The following SYN2 variants were observed in gnomAD, a reference collection of about 807,000 sequenced individuals.
SYN2 encodes synapsin-2.
In SYN2, 19 loss-of-function variants were observed where a neutral mutation model predicts 50.9. That is an observed-to-expected ratio of 0.37 (90% CI 0.26 to 0.55). SYN2 has a LOEUF of 0.55. Ranked by LOEUF, SYN2 falls within the 20% of genes least tolerant of loss-of-function variation. SYN2 has a pLI of 0.81. For synonymous variants in SYN2, 255 were observed against 224.9 expected (o/e 1.13, Z -1.20); for missense variants, 587 against 576.4 (o/e 1.02, Z -0.19).
intron 3 of SYN2, among the ~76,000 whole-genome samples, chr3:12,142,420 C>T (rs948427232): frequency 5.9e-5 from 9 of 152,156 alleles, no homozygotes; most frequent in African/African-American, 1.9e-4. Flanking sequence ...TGCTTAGATT[C>T]CCCTAGTGAG....
chr3:12,113,382 A>G (rs76697429), intron 1 of SYN2, among the ~76,000 whole-genome samples: 1 of 151,558 alleles, frequency 6.6e-6, no homozygotes, highest in Non-Finnish European at 1.5e-5. Flanking sequence ...AAAGGAGGGG[A>G]AAAAACTCTG....
At chr3:12,029,253 A>G in intron 1 of SYN2, among the ~76,000 whole-genome samples, 2 of 132,738 alleles carry the variant, frequency 1.5e-5, no homozygotes, top group African/African-American at 7.3e-5. Context: ...TTTTGGTACC[A>G]GTACCATGCT....
chr3:12,040,455 C>T (rs1290712240), intron 1 of SYN2, among the ~76,000 whole-genome samples: 4 of 112,732 alleles, frequency 3.5e-5, no homozygotes, highest in South Asian at 5.6e-4. Context: ...TTTTTTGAGA[C>T]GGAGTTTCGC....
chr3:12,055,833 C>G (rs937670706), intron 1 of SYN2, among the ~76,000 whole-genome samples: 1 of 152,078 alleles, frequency 6.6e-6, no homozygotes, highest in Admixed American at 6.5e-5. Flanking sequence ...AGAGTATTAC[C>G]GTTTTGCAAC....
chr3:12,018,993 G>T (rs1694075544), intron 1 of SYN2, among the ~76,000 whole-genome samples: 1 of 152,142 alleles, frequency 6.6e-6, no homozygotes, highest in African/African-American at 2.4e-5. Flanking sequence ...AACTGTGTAG[G>T]TAGTGAATTT....
At chr3:12,053,280 G>A (rs1282160762) in intron 1 of SYN2, among the ~76,000 whole-genome samples, 2 of 152,088 alleles carry the variant, frequency 1.3e-5, no homozygotes, top group African/African-American at 4.8e-5. Flanking sequence ...AATTAGCCAG[G>A]CATGGTGGTG....
intron 1 of SYN2, among the ~76,000 whole-genome samples, chr3:12,015,445 T>C (rs1052199607): frequency 6.6e-6 from 1 of 152,156 alleles, no homozygotes; most frequent in South Asian, 2.1e-4. Flanking sequence ...CAGTGACTTA[T>C]GAAAAAAATT....
intron 10 of SYN2, among the ~76,000 whole-genome samples, chr3:12,175,527 G>T (rs1055378394): frequency 1.3e-5 from 2 of 152,232 alleles, no homozygotes; most frequent in African/African-American, 4.8e-5. Context: ...TCTGGTCTGA[G>T]TCATAAGCCC....
chr3:12,020,105 A>G (rs1358715677), intron 1 of SYN2, among the ~76,000 whole-genome samples: 6 of 152,150 alleles, frequency 3.9e-5, no homozygotes, highest in South Asian at 4.1e-4. Flanking sequence ...TAATACTTCT[A>G]TGACTTAGAG....
chr3:12,009,995 T>C (rs190996133), intron 1 of SYN2, among the ~76,000 whole-genome samples: 1 of 152,124 alleles, frequency 6.6e-6, no homozygotes, highest in Admixed American at 6.5e-5. Flanking sequence ...TTCGGGAGAC[T>C]GAGGCAGGAG....
chr3:12,116,318 A>G (rs560121006), intron 1 of SYN2, among the ~76,000 whole-genome samples: 2 of 152,344 alleles, frequency 1.3e-5, no homozygotes, highest in Non-Finnish European at 2.9e-5. Context: ...GATCAGAGAA[A>G]GGTTGGAAGA....
chr3:12,043,903 A>C (rs1694675244), intron 1 of SYN2, among the ~76,000 whole-genome samples: 1 of 152,130 alleles, frequency 6.6e-6, no homozygotes, highest in South Asian at 2.1e-4. Context: ...GAACCTCCAT[A>C]GCAGTTTATC....
intron 1 of SYN2, among the ~76,000 whole-genome samples, chr3:12,058,784 G>A (rs1016399865): frequency 1.3e-5 from 2 of 152,170 alleles, no homozygotes; most frequent in Non-Finnish European, 2.9e-5. Flanking sequence ...GCTGAGAATG[G>A]CTTCTAAAAG....
At chr3:12,183,764 A>T in intron 11 of SYN2, 1 of 1,127,232 alleles carries the variant, frequency 8.9e-7, no homozygotes, top group Non-Finnish European at 1.1e-6. Context: ...TTTTAAAAGT[A>T]ATATATAATG....
intron 11 of SYN2, chr3:12,184,352 T>C: frequency 6.1e-6 from 6 of 985,912 alleles, no homozygotes; most frequent in Non-Finnish European, 7.2e-6. Flanking sequence ...CTGAGGCTGC[T>C]TTCTGTTCCC....
intron 1 of SYN2, among the ~76,000 whole-genome samples, chr3:12,048,306 G>A (rs1559398649): frequency 6.6e-6 from 1 of 152,014 alleles, no homozygotes; most frequent in South Asian, 2.1e-4. Context: ...TAGCTGGGAC[G>A]ACGGGTGTGC....
intron 1 of SYN2, among the ~76,000 whole-genome samples, chr3:12,015,937 C>T (rs1331268939): frequency 1.3e-5 from 2 of 152,162 alleles, no homozygotes; most frequent in Non-Finnish European, 2.9e-5. Flanking sequence ...GTTCAGGGGG[C>T]CTGACAACTT....
At chr3:12,107,441 T>C (rs550872929) in intron 1 of SYN2, among the ~76,000 whole-genome samples, 2 of 152,306 alleles carry the variant, frequency 1.3e-5, no homozygotes, top group African/African-American at 4.8e-5. Flanking sequence ...AAAAAATAGA[T>C]TAGTAGATAC....
In SYN2 at chr3:12,187,470, T is replaced by C; in HGVS notation, c.1471T>C (p.Ser491Pro). Residue 491 changes from serine (S) to proline (P), a missense_variant, in exon 12 of 13, where the codon TCT becomes CCT. Coordinates refer to ENST00000621198, the MANE Select transcript of SYN2 (RefSeq NM_133625.6). Reference protein sequence around the residue: ...PSLPPSSSSSSSSSSSAPQRP... With the variant: ...PSLPPSSSSSPSSSSSAPQRP... ...ACTGCCACCTTCCTCCTCTTCCTCC[T>C]CTTCTTCCTCCTCCTCGGCTCCTCA... is the stretch of plus-strand genomic sequence containing the variant. 1.4e-6 allele frequency: 2 copies of C among 1,401,072 alleles called. No homozygotes were observed. The highest frequency in any genetic ancestry group is 2.0e-6 in the Non-Finnish European group (2 of 1,020,856). The allele number at this position is 1,401,072 out of a possible 1,614,324, so 86.8% of individuals were successfully genotyped here. A position where few individuals can be genotyped will look rare whatever the true frequency, so the allele number is the denominator to read the frequency against.
Sources: gnomAD v4.1 joint callset for allele counts (sites outside exome capture counted in the v4.1 genomes callset) on GRCh38, gnomAD v4.1.1 for gene constraint, MANE v1.5 for transcripts, NCBI Gene and HGNC (gene_info 2026-07-23, HGNC 2026-07-21) for gene names.